MAGI2: variants seen among roughly 807,000 people sequenced by gnomAD.
MAGI2 encodes membrane associated guanylate kinase, WW and PDZ domain containing 2.
In MAGI2, 35 loss-of-function variants were observed where a neutral mutation model predicts 133.3. That is an observed-to-expected ratio of 0.26 (90% CI 0.20 to 0.35). The LOEUF (loss-of-function observed/expected upper bound fraction) is 0.35, where lower values mean the gene tolerates loss of function less well. Among genes scored for constraint, MAGI2 ranks in the 10% least tolerant of loss-of-function variants. The pLI, the probability that MAGI2 is intolerant of heterozygous loss-of-function variation, is 1.00. For missense variants in MAGI2, 1,636 were observed against 1,863.4 expected (o/e 0.88, Z 2.25); for synonymous variants, 729 against 710.6 (o/e 1.03, Z -0.41).
At chr7:78,954,537 C>A (rs182967374) in intron 2 of MAGI2, among the ~76,000 whole-genome samples, 2 of 152,220 alleles carry the variant, frequency 1.3e-5, no homozygotes, top group Admixed American at 6.5e-5. Context: ...ATATGTCCAG[C>A]CAGTTGTTCC....
intron 2 of MAGI2, among the ~76,000 whole-genome samples, chr7:78,681,943 C>A (rs554203918): frequency 2.0e-5 from 3 of 151,956 alleles, no homozygotes; most frequent in Non-Finnish European, 2.9e-5. Flanking sequence ...TGAAGATGTG[C>A]GAAAGAATAG....
At chr7:78,178,233 C>T (rs1428726258) in intron 13 of MAGI2, 131 bp from the exon 14 acceptor site, 7 of 568,468 alleles carry the variant, frequency 1.2e-5, no homozygotes, top group Non-Finnish European at 2.2e-5. Context: ...CAATGGAAAC[C>T]ATAGAGGATA....
chr7:78,087,731 A>T (rs1229131714), intron 20 of MAGI2, among the ~76,000 whole-genome samples: 2 of 152,232 alleles, frequency 1.3e-5, no homozygotes, highest in Non-Finnish European at 2.9e-5. Flanking sequence ...ATTTTAGATG[A>T]AGTTCTTAGG....
At chr7:78,176,908 GACACACACACACACACACACACAC>G (rs200781303) in intron 14 of MAGI2, among the ~76,000 whole-genome samples, 2 of 130,432 alleles carry the variant, frequency 1.5e-5, no homozygotes, top group African/African-American at 2.9e-5. Context: ...ACCATATATA[GACACACACACACACACACACACAC>G]ACACACACAC....
rs1793431150 is a variant in MAGI2 at position 78,489,827 on chromosome 7, T to A, written c.979A>T (p.Thr327Ser). 6.2e-7 allele frequency: 1 copy of A among 1,612,704 alleles called. No individual in the cohort carries two copies. Among genetic ancestry groups the A allele is most frequent in the African/African-American group, 1.3e-5 (1 of 74,836 alleles). Residue 327 changes from threonine (T) to serine (S), a missense_variant, in exon 6 of 22, where the codon ACA becomes TCA. Coordinates refer to ENST00000354212, the MANE Select transcript of MAGI2 (RefSeq NM_012301.4). Reference protein sequence around the residue: ...EVYFIDHNTKTTSWLDPRLAK... With the variant: ...EVYFIDHNTKSTSWLDPRLAK... Reference sequence around the variant, plus strand: ...AGTCGTGGATCCAGCCATGATGTTGTCTTTGTGTTATGGCTGAAAAGAAAA... The same window carrying A: ...AGTCGTGGATCCAGCCATGATGTTGACTTTGTGTTATGGCTGAAAAGAAAA...
Position 78,162,177 on chromosome 7 carries a change from A to G in MAGI2, c.2597-1904T>C, listed in dbSNP as rs114737589. Among the ~76,000 whole-genome samples the G allele has an allele frequency of 4.6e-3, 696 of 152,262 alleles. 7 individuals carry two copies. Among genetic ancestry groups the G allele is most frequent in the African/African-American group, 0.016 (662 of 41,534 alleles). On this transcript the variant is annotated intron_variant, in intron 15 of 21. Transcript: ENST00000354212. ...AATGTCATAGGCAGTGACAAGAGAG[A>G]TCTCATTTTCTGGCTGTCATATTTT...
At chr7:79,221,728 TA>T (rs1053695553) in intron 1 of MAGI2, among the ~76,000 whole-genome samples, 45 of 152,136 alleles carry the variant, frequency 3.0e-4, no homozygotes, top group African/African-American at 1.1e-3. Flanking sequence ...CAATGTTTTA[TA>T]AATAGGTATG....
rs1359654932 is a variant in MAGI2 at position 78,489,976 on chromosome 7, C to T, written c.966-136G>A. On this transcript the variant is annotated intron_variant, in intron 5 of 21. Transcript: ENST00000354212. Reference sequence around the variant, plus strand: ...AATTTGCTTACTGGTTCTAAGTAGCCCTGAAGGAGGTGTAAGAGTAATTGT... The same window carrying T: ...AATTTGCTTACTGGTTCTAAGTAGCTCTGAAGGAGGTGTAAGAGTAATTGT... The T allele has an allele frequency of 4.8e-6, 3 of 626,142 alleles. No homozygotes were observed. The African/African-American group carries it at 5.5e-5, about 12-fold the overall frequency. The allele number at this position is 626,142 out of a possible 1,614,324, so 38.8% of individuals were successfully genotyped here. A position where few individuals can be genotyped will look rare whatever the true frequency, so the allele number is the denominator to read the frequency against.
At chr7:78,594,042 TG>T (rs1183121442) in intron 3 of MAGI2, among the ~76,000 whole-genome samples, 1 of 152,206 alleles carries the variant, frequency 6.6e-6, no homozygotes, top group African/African-American at 2.4e-5. Context: ...CACAGATGTT[TG>T]GTAGTGCCTG....
intron 1 of MAGI2, among the ~76,000 whole-genome samples, chr7:79,060,992 T>G (rs1013229668): frequency 1.3e-5 from 2 of 152,146 alleles, no homozygotes; most frequent in African/African-American, 4.8e-5. Context: ...GTTGAGCCTA[T>G]GCAGGGATTA....
chr7:78,503,260 A>G (rs1298722967), intron 4 of MAGI2, among the ~76,000 whole-genome samples: 4 of 152,174 alleles, frequency 2.6e-5, no homozygotes, highest in Non-Finnish European at 5.9e-5. Flanking sequence ...CAAGTATCTT[A>G]TCTGAGGGCA....
At chr7:79,335,439 A>G (rs1840373432) in intron 1 of MAGI2, among the ~76,000 whole-genome samples, 2 of 152,106 alleles carry the variant, frequency 1.3e-5, no homozygotes, top group Admixed American at 6.6e-5. Context: ...GAAAATGTAC[A>G]GTATAAATAT....
At chr7:79,359,848 T>G (rs1339006183) in intron 1 of MAGI2, among the ~76,000 whole-genome samples, 1 of 152,122 alleles carries the variant, frequency 6.6e-6, no homozygotes, top group Non-Finnish European at 1.5e-5. Context: ...CCCTTAACCC[T>G]TTTCCCATTT....
At chr7:78,460,683 C>T (rs1456997760) in intron 6 of MAGI2, among the ~76,000 whole-genome samples, 1 of 152,182 alleles carries the variant, frequency 6.6e-6, no homozygotes, top group Non-Finnish European at 1.5e-5. Context: ...TCTTGGAACG[C>T]AGGATGTGCA....
At chr7:78,784,846 T>C (rs376161928) in intron 2 of MAGI2, among the ~76,000 whole-genome samples, 42 of 152,346 alleles carry the variant, frequency 2.8e-4, no homozygotes, top group African/African-American at 9.1e-4. Context: ...TTAACCTGTC[T>C]TTTGTTACAG....
intron 2 of MAGI2, among the ~76,000 whole-genome samples, chr7:78,853,488 T>C (rs943805457): frequency 6.6e-6 from 1 of 151,522 alleles, no homozygotes; most frequent in Non-Finnish European, 1.5e-5. Context: ...CCTGAGTAGC[T>C]GTGACTACAG....
intron 2 of MAGI2, among the ~76,000 whole-genome samples, chr7:78,947,280 C>T (rs1584472920): frequency 1.3e-5 from 2 of 152,098 alleles, no homozygotes; most frequent in South Asian, 4.1e-4. Context: ...CCCTCCTCCC[C>T]TCACCTCACC....
At chr7:78,042,083 G>C (rs1189134261) in intron 21 of MAGI2, among the ~76,000 whole-genome samples, 5 of 152,212 alleles carry the variant, frequency 3.3e-5, no homozygotes, top group South Asian at 4.1e-4. Flanking sequence ...GGAGACATGA[G>C]ACATGGGCCT....
intron 3 of MAGI2, among the ~76,000 whole-genome samples, chr7:78,596,213 A>G (rs368939045): frequency 2.8e-3 from 172 of 61,228 alleles, no homozygotes; most frequent in Non-Finnish European, 3.8e-3. Context: ...GGAATGAAGG[A>G]AGGGAGGGAG....
Sources: allele counts gnomAD v4.1 joint callset (sites outside exome capture counted in the v4.1 genomes callset), GRCh38; gene constraint gnomAD v4.1.1; transcripts MANE v1.5; gene names NCBI Gene and HGNC (gene_info 2026-07-23, HGNC 2026-07-21).